DYNC2H1: variants seen among roughly 807,000 people sequenced by gnomAD.
DYNC2H1 encodes cytoplasmic dynein 2 heavy chain 1.
DYNC2H1 carries 410 observed loss-of-function variants against 570.0 expected under a neutral mutation model. The observed-to-expected ratio is 0.72, with a 90% CI of 0.66 to 0.78. The LOEUF is 0.78. DYNC2H1 is among the 30% of genes least tolerant of loss of function. The pLI, the probability that DYNC2H1 is intolerant of heterozygous loss-of-function variation, is 0.00. For synonymous variants in DYNC2H1, 1,688 were observed against 1,677.6 expected, an observed-to-expected ratio of 1.01 and a Z score of -0.15; for missense variants, 4,865 against 5,046.4, an observed-to-expected ratio of 0.96 and a Z score of 1.09.
In DYNC2H1 at chr11:103,158,942, T is replaced by C. The variant is rs1198884389; in HGVS notation, c.4293T>C (p.Phe1431=). 6.2e-7 allele frequency: 1 copy of C among 1,612,014 alleles called. No individual in the cohort carries two copies. The highest frequency in any genetic ancestry group is 8.5e-7 in the Non-Finnish European group (1 of 1,179,488). The change falls in exon 28 of 89, where the codon TTT becomes TTC. Residue 1431 remains phenylalanine (F), a synonymous_variant. Coordinates refer to ENST00000375735, the MANE Select transcript of DYNC2H1 (RefSeq NM_001377.3). ...EKRSAFPRFY[F]IGDDDLLEIL... ...GCTCAGCATTCCCAAGATTTTATTT[T>C]ATTGGTGATGATGACTTATTAGAAA... is the stretch of plus-strand genomic sequence containing the variant.
chr11:103,277,254 TATC>T lies in DYNC2H1; in HGVS notation c.10696-3091_10696-3089del, dbSNP rs1302304278. Among the ~76,000 whole-genome samples the T allele has an allele frequency of 6.6e-6, 1 of 152,140 alleles. No individual in the cohort carries two copies. Among genetic ancestry groups the T allele is most frequent in the African/African-American group, 2.4e-5 (1 of 41,458 alleles). ...TTATACAAAGTGTGTGTTCAAATTT[TATC>T]ATGTATGGCTTTTTGTATTCAATTT... On this transcript the variant is annotated intron_variant, in intron 70 of 88. Transcript: ENST00000375735. This position sits in a 1 kb window ranked among gnomAD's most constrained non-coding sequence, Gnocchi z 4.3.
intron 83 of DYNC2H1, among the ~76,000 whole-genome samples, chr11:103,372,674 C>G (rs1042220795): frequency 6.6e-6 from 1 of 152,022 alleles, no homozygotes; most frequent in Non-Finnish European, 1.5e-5. Context: ...GGGATATTGG[C>G]CTGTAGTTTG....
At chr11:103,194,092 A>G (rs757918307) in intron 47 of DYNC2H1, among the ~76,000 whole-genome samples, 3 of 152,178 alleles carry the variant, frequency 2.0e-5, no homozygotes, top group Non-Finnish European at 4.4e-5. Context: ...TTATAGCACC[A>G]CAGGATCTAT....
At chr11:103,436,299 A>G (rs915300715) in intron 85 of DYNC2H1, among the ~76,000 whole-genome samples, 1 of 151,782 alleles carries the variant, frequency 6.6e-6, no homozygotes, top group Admixed American at 6.6e-5. Context: ...CAGTTGGATC[A>G]CATAGACGGT....
intron 87 of DYNC2H1, among the ~76,000 whole-genome samples, chr11:103,460,283 G>A (rs1340837117): frequency 2.0e-5 from 3 of 151,226 alleles, no homozygotes; most frequent in African/African-American, 7.3e-5. Context: ...TTAGTCTCTG[G>A]CAGCTGTGAA....
intron 17 of DYNC2H1, among the ~76,000 whole-genome samples, chr11:103,139,655 T>C (rs895250117): frequency 6.6e-6 from 1 of 151,948 alleles, no homozygotes; most frequent in Non-Finnish European, 1.5e-5. Context: ...AATTTTGGAA[T>C]AGGTGTGGTG....
chr11:103,438,635 G>C (rs189147713), intron 85 of DYNC2H1, among the ~76,000 whole-genome samples: 3 of 152,260 alleles, frequency 2.0e-5, no homozygotes, highest in Admixed American at 2.0e-4. Context: ...TATCATGCCA[G>C]TTTATTACAG....
Position 103,169,957 on chromosome 11 carries a change from C to T in DYNC2H1, c.4969-151C>T, listed in dbSNP as rs1390277290. On this transcript the variant is annotated intron_variant, in intron 32 of 88. Transcript: ENST00000375735. ...CAGCTTGTGTTTAGAAAGCTTCTTT[C>T]ACTAGAAAAAATTTTGGATATTTTT... 11 of 656,226 alleles carry T rather than the reference C, an allele frequency of 1.7e-5. 1 individual carries two copies. Among genetic ancestry groups the T allele is most frequent in the Non-Finnish European group, 2.6e-5 (11 of 427,384 alleles). The allele number at this position is 656,226 out of a possible 1,614,324, so 40.7% of individuals were successfully genotyped here.
In DYNC2H1 at chr11:103,390,881, G is replaced by T. The variant is rs1457141812; in HGVS notation, c.12157-8782G>T. 5.3e-5 allele frequency among the ~76,000 whole-genome samples: 8 copies of T among 152,144 alleles called. 1 individual carries two copies. Among genetic ancestry groups the T allele is most frequent in the Admixed American group, 5.2e-4 (8 of 15,274 alleles). On this transcript the variant is annotated intron_variant, in intron 83 of 88. Transcript: ENST00000375735. ...CAAGAGATCAGCTGTTAGTCTGATGGGCTTCCCTTTGTGGGTAACCCGACC... is the reference window on the plus strand; with the variant it reads ...CAAGAGATCAGCTGTTAGTCTGATGTGCTTCCCTTTGTGGGTAACCCGACC...
chr11:103,372,445 G>T (rs553621123), intron 83 of DYNC2H1, among the ~76,000 whole-genome samples: 20 of 152,200 alleles, frequency 1.3e-4, no homozygotes, highest in Non-Finnish European at 2.1e-4. Context: ...GTCAGGAAGA[G>T]ATGTTGAATT....
chr11:103,143,229 CTG>C lies in DYNC2H1; in HGVS notation c.2575-35_2575-34del, dbSNP rs780337020. 11 of 1,594,540 alleles carry C rather than the reference CTG, an allele frequency of 6.9e-6. No individual in the cohort carries two copies. The Admixed American group carries it at 1.7e-4, about 25-fold the overall frequency. On this transcript the variant is annotated intron_variant, in intron 17 of 88. Transcript: ENST00000375735. ...TCTATTATATGTTAACATATTGGTT[CTG>C]TGTCTTTAATAATACATTTTTTCTT... is the stretch of plus-strand genomic sequence containing the variant.
chr11:103,154,738 G>A lies in DYNC2H1; in HGVS notation c.3502G>A (p.Asp1168Asn). The stretch of plus-strand genomic sequence containing the variant: ...TGAGGAATTTTTGATGAACTGGCAT[G>A]ACAGATTAAGGAAGGTTGAAGAACA... ...LFEEFLMNWH[D>N]RLRKVEEHSV... The change falls in exon 24 of 89, where the codon GAC (aspartate) becomes AAC (asparagine). Residue 1168 changes from aspartate (D) to asparagine (N), a missense_variant. This residue lies in a region of DYNC2H1 where 1,936 missense variants were observed against 1,962.1 expected (regional missense o/e 0.99). Transcript: ENST00000375735. The A allele has an allele frequency of 1.9e-6, 3 of 1,573,272 alleles. No individual in the cohort carries two copies. Among genetic ancestry groups the A allele is most frequent in the Non-Finnish European group, 1.7e-6 (2 of 1,158,548 alleles).
intron 84 of DYNC2H1, among the ~76,000 whole-genome samples, chr11:103,412,414 G>C (rs1943124898): frequency 6.6e-6 from 1 of 152,176 alleles, no homozygotes; most frequent in East Asian, 1.9e-4. Flanking sequence ...CTACATGTTA[G>C]AACATAGACT....
In DYNC2H1 at chr11:103,321,011, G is replaced by GT. The variant is rs758949082; in HGVS notation, c.11726-11dup. 421 of 1,567,812 alleles carry GT rather than the reference G, an allele frequency of 2.7e-4. No homozygotes were observed. Among genetic ancestry groups the GT allele is most frequent in the Non-Finnish European group, 3.3e-4 (378 of 1,154,070 alleles). On this transcript the variant is annotated splice_polypyrimidine_tract_variant and intron_variant, in intron 80 of 88. Transcript: ENST00000375735. ...TATTTTAGAAATGAAATTAATGAGTGTTTTTTTAAAATTATAGGTGCCAAA... is the reference window on the plus strand; with the variant it reads ...TATTTTAGAAATGAAATTAATGAGTGTTTTTTTTAAAATTATAGGTGCCAAA...
intron 31 of DYNC2H1, among the ~76,000 whole-genome samples, chr11:103,166,875 G>A (rs1861328779): frequency 6.6e-6 from 1 of 151,362 alleles, no homozygotes; most frequent in Non-Finnish European, 1.5e-5. Context: ...GGAAGCTTTT[G>A]GCTCTTATTT....
In DYNC2H1 at chr11:103,189,044, A is replaced by G. The variant is rs1862192057; in HGVS notation, c.7292+396A>G. Reference sequence around the variant, plus strand: ...ACAAGGGAGAATTAGGGTCATTTTAATGGCTGGTGGCATCAATGCTAATCA... The same window carrying G: ...ACAAGGGAGAATTAGGGTCATTTTAGTGGCTGGTGGCATCAATGCTAATCA... On this transcript the variant is annotated intron_variant, in intron 44 of 88. Coordinates refer to ENST00000375735, the MANE Select transcript of DYNC2H1 (RefSeq NM_001377.3). The surrounding 1 kb of genome is among the most constrained non-coding windows in gnomAD (Gnocchi z 4.3). Among the ~76,000 whole-genome samples, 1 of 152,070 alleles carries G rather than the reference A, an allele frequency of 6.6e-6. No homozygotes were observed. The highest frequency in any genetic ancestry group is 1.5e-5 in the Non-Finnish European group (1 of 67,992).
intron 78 of DYNC2H1, among the ~76,000 whole-genome samples, chr11:103,310,574 C>A (rs1478689038): frequency 6.7e-6 from 1 of 150,014 alleles, no homozygotes; most frequent in Non-Finnish European, 1.5e-5. Context: ...GAAATTTGGC[C>A]TTATCTATGG....
chr11:103,246,613 A>C (rs1402409661), intron 65 of DYNC2H1, among the ~76,000 whole-genome samples: 2 of 152,034 alleles, frequency 1.3e-5, no homozygotes, highest in African/African-American at 4.8e-5. Flanking sequence ...CCCCTATCTT[A>C]CTTTTTCCAT....
chr11:103,314,194 T>C (rs1233573786), intron 79 of DYNC2H1, among the ~76,000 whole-genome samples: 1 of 152,186 alleles, frequency 6.6e-6, no homozygotes, highest in Non-Finnish European at 1.5e-5. Context: ...GAGGGTCCAC[T>C]ATTAACCATT....
Sources: gnomAD v4.1 joint callset for allele counts (sites outside exome capture counted in the v4.1 genomes callset) on GRCh38, gnomAD v4.1.1 for gene constraint, gnomAD v4.1.1 regional missense constraint, Gnocchi (gnomAD v3.1) non-coding constraint, MANE v1.5 for transcripts, NCBI Gene and HGNC (gene_info 2026-07-23, HGNC 2026-07-21) for gene names.